The following RPS6KA2 variants were observed in gnomAD, a reference collection of about 807,000 sequenced individuals.
RPS6KA2 encodes ribosomal protein S6 kinase alpha-2.
In RPS6KA2, 42 loss-of-function variants were observed where a neutral mutation model predicts 91.8. The observed-to-expected ratio is 0.46, with a 90% CI of 0.36 to 0.59. RPS6KA2 has a LOEUF of 0.59. Ranked by LOEUF, RPS6KA2 falls within the 20% of genes least tolerant of loss-of-function variation. The probability of loss-of-function intolerance (pLI) is 0.00; values close to 1 mark genes in which losing one functional copy is unlikely to be tolerated. For synonymous variants in RPS6KA2, 414 were observed against 393.6 expected (o/e 1.05, Z -0.61); for missense variants, 798 against 978.5 (o/e 0.82, Z 2.46).
intron 6 of RPS6KA2, among the ~76,000 whole-genome samples, chr6:166,503,341 G>C (rs752695268): frequency 6.6e-6 from 1 of 152,262 alleles, no homozygotes; most frequent in Non-Finnish European, 1.5e-5. Context: ...ATGTGACCTG[G>C]TTTCTGGGTA....
chr6:166,554,242 G>A lies in RPS6KA2; in HGVS notation c.100-15458C>T, dbSNP rs114269393. 7.0e-4 allele frequency among the ~76,000 whole-genome samples: 106 copies of A among 152,276 alleles called. No individual in the cohort carries two copies. The highest frequency in any genetic ancestry group is 2.5e-3 in the African/African-American group (103 of 41,552). On this transcript the variant is annotated intron_variant, in intron 1 of 20. Transcript: ENST00000265678. The surrounding 1 kb of genome is among the most constrained non-coding windows in gnomAD (Gnocchi z 4.3). ...TTCAAATAATGATGACCTGAGAAGC[G>A]ACTGCTACCCCTTTCCCAGAAGTAA...
At chr6:166,692,378 T>C (rs1257541483) in intron 2 of RPS6KA2, among the ~76,000 whole-genome samples, 2 of 152,106 alleles carry the variant, frequency 1.3e-5, no homozygotes, top group African/African-American at 2.4e-5. Flanking sequence ...GAGAAAAGTG[T>C]TCTGTCGAAC....
At chr6:166,763,629 T>C (rs897411253) in intron 2 of RPS6KA2, among the ~76,000 whole-genome samples, 2 of 152,236 alleles carry the variant, frequency 1.3e-5, no homozygotes, top group Non-Finnish European at 2.9e-5. Flanking sequence ...GGGAACAACC[T>C]TGGAAACCAA....
At chr6:166,606,652 T>C (rs375362749) in intron 1 of RPS6KA2, among the ~76,000 whole-genome samples, 1 of 152,150 alleles carries the variant, frequency 6.6e-6, no homozygotes, top group Non-Finnish European at 1.5e-5. Flanking sequence ...AATAAAAAGA[T>C]AAATCACCCA....
intron 10 of RPS6KA2, among the ~76,000 whole-genome samples, chr6:166,475,376 A>C (rs1428269643): frequency 6.6e-6 from 1 of 151,744 alleles, no homozygotes; most frequent in Non-Finnish European, 1.5e-5. Context: ...CTCTCCACTC[A>C]CCCGTCACCC....
At chr6:166,510,554 CATATATATATATATATATA>C (rs1184484307) in intron 3 of RPS6KA2, among the ~76,000 whole-genome samples, 197 bp from the exon 4 acceptor site, 1 of 78,770 alleles carries the variant, frequency 1.3e-5, no homozygotes, top group Non-Finnish European at 2.5e-5. Context: ...TTCTCTCTCT[CATATATATATATATATATA>C]TATATATATA....
intron 10 of RPS6KA2, 115 bp from the exon 11 acceptor site, chr6:166,470,020 GC>G: frequency 1.1e-6 from 1 of 925,218 alleles, no homozygotes; most frequent in Non-Finnish European, 1.7e-6. Flanking sequence ...GTGGGAAGGA[GC>G]CCAGAGGCTG....
intron 2 of RPS6KA2, among the ~76,000 whole-genome samples, chr6:166,791,406 A>T (rs1416086972): frequency 6.6e-6 from 1 of 152,182 alleles, no homozygotes; most frequent in Non-Finnish European, 1.5e-5. Flanking sequence ...ACTCCCACAC[A>T]ATAATAATGG....
chr6:166,829,447 C>T (rs536236997), intron 2 of RPS6KA2, among the ~76,000 whole-genome samples: 17 of 151,904 alleles, frequency 1.1e-4, no homozygotes, highest in South Asian at 1.0e-3. Context: ...AAAAATTAGC[C>T]GGGTATGGTG....
chr6:166,862,447 G>C (rs1781069946), exon 1 of RPS6KA2: 1 of 1,215,744 alleles, frequency 8.2e-7, no homozygotes, highest in Non-Finnish European at 1.1e-6. Context: ...AGCTGCTGCC[G>C]CTTCCCGCTC....
intron 12 of RPS6KA2, among the ~76,000 whole-genome samples, chr6:166,458,781 A>G (rs1278966384): frequency 1.3e-5 from 2 of 152,204 alleles, no homozygotes; most frequent in African/African-American, 4.8e-5. Context: ...TGAGAAAATA[A>G]ATGACTGTTG....
intron 2 of RPS6KA2, among the ~76,000 whole-genome samples, chr6:166,745,978 A>T (rs964731589): frequency 4.6e-5 from 7 of 152,222 alleles, no homozygotes; most frequent in Non-Finnish European, 8.8e-5. Context: ...CGAAACACAG[A>T]ACATCACTCG....
At chr6:166,565,265 G>A (rs1784459069) in intron 1 of RPS6KA2, among the ~76,000 whole-genome samples, 1 of 152,246 alleles carries the variant, frequency 6.6e-6, no homozygotes, top group Non-Finnish European at 1.5e-5. Flanking sequence ...AGAGAGGCCC[G>A]TTGTTTAAGC....
At chr6:166,783,470 T>C (rs1460693996) in intron 2 of RPS6KA2, among the ~76,000 whole-genome samples, 1 of 152,096 alleles carries the variant, frequency 6.6e-6, no homozygotes, top group Non-Finnish European at 1.5e-5. Context: ...CCCACAATTG[T>C]GTGAGCCAAT....
Position 166,648,034 on chromosome 6 carries a change from A to G in RPS6KA2, c.124-109250T>C, listed in dbSNP as rs1787702125. Among the ~76,000 whole-genome samples the G allele has an allele frequency of 1.4e-5, 2 of 145,738 alleles. No individual in the cohort carries two copies. Among genetic ancestry groups the G allele is most frequent in the South Asian group, 4.4e-4 (2 of 4,510 alleles). ...CATGCTTACACACATACATACACAC[A>G]TGCTCTCACACACATGCACATGCTC... On this transcript the variant is annotated intron_variant, in intron 2 of 21. Coordinates refer to the RPS6KA2 transcript ENST00000503859. The surrounding 1 kb of genome is among the most constrained non-coding windows in gnomAD (Gnocchi z 4.8).
intron 10 of RPS6KA2, 112 bp from the exon 11 acceptor site, chr6:166,470,017 G>A (rs533645862): frequency 1.1e-6 from 1 of 942,118 alleles, no homozygotes; most frequent in Non-Finnish European, 1.7e-6. Context: ...GCCGTGGGAA[G>A]GAGCCCAGAG....
At chr6:166,657,229 C>A (rs968024062) in intron 2 of RPS6KA2, among the ~76,000 whole-genome samples, 1 of 152,028 alleles carries the variant, frequency 6.6e-6, no homozygotes, top group Non-Finnish European at 1.5e-5. Context: ...TTTGGAAACA[C>A]ACAGAATAAC....
At position 166,648,907 on chromosome 6, in the gene RPS6KA2, C is replaced by T. The variant is rs898489780; in HGVS notation, c.124-110123G>A. Among the ~76,000 whole-genome samples, 23 of 152,150 alleles carry T rather than the reference C, an allele frequency of 1.5e-4. No individual in the cohort carries two copies. Among genetic ancestry groups the T allele is most frequent in the Non-Finnish European group, 8.8e-5 (6 of 68,032 alleles). ...AAGGCCCATAGAGTCTACCTTGCAG[C>T]GTCTCACCAATTCACCTGTCTCTCT... On this transcript the variant is annotated intron_variant, in intron 2 of 21. Transcript: ENST00000503859. This position sits in a 1 kb window ranked among gnomAD's most constrained non-coding sequence, Gnocchi z 4.8.
intron 2 of RPS6KA2, among the ~76,000 whole-genome samples, chr6:166,743,081 C>A (rs1790860856): frequency 6.6e-6 from 1 of 152,226 alleles, no homozygotes; most frequent in Non-Finnish European, 1.5e-5. Flanking sequence ...AACACATACA[C>A]AAACTAGCAC....
Sources: allele counts gnomAD v4.1 joint callset (sites outside exome capture counted in the v4.1 genomes callset), GRCh38; gene constraint gnomAD v4.1.1; non-coding constraint Gnocchi (gnomAD v3.1); transcripts MANE v1.5; gene names NCBI Gene and HGNC (gene_info 2026-07-23, HGNC 2026-07-21).